Variants in CAMTA1 observed in about 807,000 individuals in gnomAD.
The protein encoded by CAMTA1 is calmodulin binding transcription activator 1.
A neutral mutation model predicts 170.9 loss-of-function variants in CAMTA1; 27 were observed. That is an observed-to-expected ratio of 0.16 (90% CI 0.12 to 0.22). CAMTA1 has a LOEUF of 0.22. CAMTA1 is among the 10% of genes least tolerant of loss of function. CAMTA1 has a pLI of 1.00. For synonymous variants in CAMTA1, 833 were observed against 891.5 expected, an observed-to-expected ratio of 0.93 and a Z score of 1.17; for missense variants, 1,619 against 2,217.2, an observed-to-expected ratio of 0.73 and a Z score of 5.42.
At chr1:6,939,182 G>A (rs913458269) in intron 3 of CAMTA1, among the ~76,000 whole-genome samples, 1 of 152,222 alleles carries the variant, frequency 6.6e-6, no homozygotes, top group Non-Finnish European at 1.5e-5. Context: ...GAGCGTCAGA[G>A]GTCAAGGAGA....
chr1:7,178,644 G>A (rs1651444131), intron 4 of CAMTA1, among the ~76,000 whole-genome samples: 1 of 152,142 alleles, frequency 6.6e-6, no homozygotes, highest in South Asian at 2.1e-4. Flanking sequence ...CCTTGTTCCT[G>A]CAGAAGGAAC....
At chr1:7,666,837 G>A (rs2096005679) in intron 9 of CAMTA1, among the ~76,000 whole-genome samples, 1 of 152,182 alleles carries the variant, frequency 6.6e-6, no homozygotes, top group African/African-American at 2.4e-5. Flanking sequence ...CTTGGTATAG[G>A]TTGGTGTGAC....
chr1:7,506,877 T>C (rs2094122941), intron 6 of CAMTA1, among the ~76,000 whole-genome samples: 1 of 151,920 alleles, frequency 6.6e-6, no homozygotes, highest in African/African-American at 2.4e-5. Flanking sequence ...GCTTTCATAC[T>C]AACACTCAAA....
At chr1:7,631,542 T>A (rs2095668979) in intron 6 of CAMTA1, among the ~76,000 whole-genome samples, 1 of 152,150 alleles carries the variant, frequency 6.6e-6, no homozygotes, top group Non-Finnish European at 1.5e-5. Context: ...AAAACAGAAA[T>A]GCCCACTGGG....
intron 3 of CAMTA1, among the ~76,000 whole-genome samples, chr1:6,860,809 G>C (rs1202448978): frequency 6.6e-6 from 1 of 151,952 alleles, no homozygotes; most frequent in Non-Finnish European, 1.5e-5. Context: ...CTACTTGGGA[G>C]GCTGAGGTGG....
intron 6 of CAMTA1, among the ~76,000 whole-genome samples, chr1:7,637,674 C>T (rs1375118641): frequency 6.6e-6 from 1 of 152,192 alleles, no homozygotes; most frequent in Admixed American, 6.5e-5. Context: ...GGACCCGAAC[C>T]TGGAGTCAGA....
intron 6 of CAMTA1, among the ~76,000 whole-genome samples, chr1:7,536,138 GCAGCCCCCAGAGGTGACATTC>G (rs1308798800): frequency 6.6e-6 from 1 of 151,982 alleles, no homozygotes; most frequent in African/African-American, 2.4e-5. Flanking sequence ...AGGTGACATG[GCAGCCCCCAGAGGTGACATTC>G]CAGCCCCCGT....
Position 7,449,769 on chromosome 1 carries a change from CAA to C in CAMTA1, c.439-18043_439-18042del, listed in dbSNP as rs59913060. Among the ~76,000 whole-genome samples, 128 of 79,578 alleles carry C rather than the reference CAA, an allele frequency of 1.6e-3. 1 individual carries two copies. Among genetic ancestry groups the C allele is most frequent in the Middle Eastern group, 7.8e-3 (1 of 128 alleles). The allele number at this position is 79,578 out of a possible 152,430, so 52.2% of individuals were successfully genotyped here. ...TGGGCAACAGAGCAAGACTCGGTCT[CAA>C]AAAAAAAAAAAAAAAAAGAAAGAAA... On this transcript the variant is annotated intron_variant, in intron 5 of 22. Coordinates refer to ENST00000303635, the MANE Select transcript of CAMTA1 (RefSeq NM_015215.4).
intron 5 of CAMTA1, among the ~76,000 whole-genome samples, chr1:7,273,887 G>A (rs1324568811): frequency 2.6e-5 from 4 of 152,144 alleles, no homozygotes; most frequent in Non-Finnish European, 5.9e-5. Context: ...TACATTTTTG[G>A]TGAAGTGCTC....
chr1:7,746,148 G>A, intron 18 of CAMTA1, 57 bp downstream of exon 18: 1 of 1,569,980 alleles, frequency 6.4e-7, no homozygotes, highest in Non-Finnish European at 8.7e-7. Context: ...GAGGACAGAT[G>A]AAAGTCAGAA....
chr1:7,178,189 G>C (rs973838620), intron 4 of CAMTA1, among the ~76,000 whole-genome samples: 10 of 152,176 alleles, frequency 6.6e-5, no homozygotes, highest in African/African-American at 2.2e-4. Context: ...TCCTCTCTCT[G>C]TGCTCAGGGC....
chr1:7,437,285 G>T (rs1312001480), intron 5 of CAMTA1, among the ~76,000 whole-genome samples: 1 of 152,182 alleles, frequency 6.6e-6, no homozygotes, highest in Non-Finnish European at 1.5e-5. Context: ...CAGCCTGGGG[G>T]CTTAAGCCAC....
At chr1:6,902,080 A>AAAAAAT (rs1553180507) in intron 3 of CAMTA1, among the ~76,000 whole-genome samples, 1 of 121,590 alleles carries the variant, frequency 8.2e-6, no homozygotes, top group Non-Finnish European at 1.7e-5. Context: ...CACAAAAAAA[A>AAAAAAT]AAATAAAAAT....
At chr1:7,557,704 G>A (rs970835413) in intron 6 of CAMTA1, among the ~76,000 whole-genome samples, 4 of 152,200 alleles carry the variant, frequency 2.6e-5, no homozygotes, top group African/African-American at 9.7e-5. Context: ...CACCTACCGT[G>A]TGCCAGGCTC....
rs1226650075 is a variant in CAMTA1, at chr1:6,918,914, T to C, written c.234+93704T>C. Among the ~76,000 whole-genome samples, 1 of 152,020 alleles carries C rather than the reference T, an allele frequency of 6.6e-6. No homozygotes were observed. Among genetic ancestry groups the C allele is most frequent in the Non-Finnish European group, 1.5e-5 (1 of 68,012 alleles). Reference sequence around the variant, plus strand: ...GCCTCAAATTCAAGGGTGTGGCCGCTCCAAAGGCACCACAGGCCACAGAGA... The same window carrying C: ...GCCTCAAATTCAAGGGTGTGGCCGCCCCAAAGGCACCACAGGCCACAGAGA... On this transcript the variant is annotated intron_variant, in intron 3 of 22. Transcript: ENST00000303635. This position sits in a 1 kb window ranked among gnomAD's most constrained non-coding sequence, Gnocchi z 4.0.
At chr1:7,231,109 G>C (rs1324651104) in intron 4 of CAMTA1, among the ~76,000 whole-genome samples, 1 of 152,156 alleles carries the variant, frequency 6.6e-6, no homozygotes, top group Non-Finnish European at 1.5e-5. Flanking sequence ...GAGAGCCCCG[G>C]TGGCTACCTC....
At chr1:7,627,901 A>G (rs1315370284) in intron 6 of CAMTA1, among the ~76,000 whole-genome samples, 1 of 152,234 alleles carries the variant, frequency 6.6e-6, no homozygotes, top group Non-Finnish European at 1.5e-5. Context: ...CTCAGCAATC[A>G]TAGCGGTGGG....
intron 5 of CAMTA1, among the ~76,000 whole-genome samples, chr1:7,271,453 G>T (rs1310946331): frequency 6.6e-6 from 1 of 152,078 alleles, no homozygotes; most frequent in Admixed American, 6.6e-5. Flanking sequence ...AAAGATTCGA[G>T]TGGAAATAAA....
rs1228322956 is a variant in CAMTA1 at position 7,682,547 on chromosome 1, G to A, written c.2914+4814G>A. ...CTTAGGTGTGAGAGGGCCTGTCCCT[G>A]GCATGTGGCTGTGGTCCTGCTGGCC... On this transcript the variant is annotated intron_variant, in intron 11 of 22. Transcript: ENST00000303635. This position sits in a 1 kb window ranked among gnomAD's most constrained non-coding sequence, Gnocchi z 5.0. Among the ~76,000 whole-genome samples, 1 of 152,238 alleles carries A rather than the reference G, an allele frequency of 6.6e-6. No homozygotes were observed. Among genetic ancestry groups the A allele is most frequent in the Non-Finnish European group, 1.5e-5 (1 of 68,040 alleles).
Sources: gnomAD v4.1 joint callset for allele counts (sites outside exome capture counted in the v4.1 genomes callset) on GRCh38, gnomAD v4.1.1 for gene constraint, Gnocchi (gnomAD v3.1) non-coding constraint, MANE v1.5 for transcripts, NCBI Gene and HGNC (gene_info 2026-07-23, HGNC 2026-07-21) for gene names.